MTUS2: variants seen among roughly 807,000 people sequenced by gnomAD.
MTUS2 encodes microtubule associated scaffold protein 2.
In MTUS2, 40 loss-of-function variants were observed where a neutral mutation model predicts 114.1. The observed-to-expected ratio is 0.35, with a 90% confidence interval of 0.27 to 0.46. MTUS2 has a LOEUF of 0.46. MTUS2 is among the 20% of genes least tolerant of loss of function. MTUS2 has a pLI of 1.00. For synonymous variants in MTUS2, 688 were observed against 672.0 expected, an observed-to-expected ratio of 1.02 and a Z score of -0.37; for missense variants, 1,679 against 1,705.4, an observed-to-expected ratio of 0.98 and a Z score of 0.27.
In MTUS2 at chr13:29,025,900, C is replaced by T. The variant is rs1283909173; in HGVS notation, c.1202C>T (p.Ala401Val). ...SLHTTPKQGS[A>V]SLGGADNQPT... Reference sequence around the variant, plus strand: ...CACACCACCCCCAAACAGGGCTCTGCTTCCTTAGGAGGGGCTGATAATCAG... The same window carrying T: ...CACACCACCCCCAAACAGGGCTCTGTTTCCTTAGGAGGGGCTGATAATCAG... Residue 401 changes from alanine to valine, a missense_variant, in exon 3 of 16, where the codon GCT becomes GTT. This residue lies in a region of MTUS2 where 843 missense variants were observed against 770.8 expected (regional missense o/e 1.09). Coordinates refer to ENST00000612955, the MANE Select transcript of MTUS2 (RefSeq NM_001033602.4). The T allele has an allele frequency of 6.2e-7, 1 of 1,613,506 alleles. No individual in the cohort carries two copies. The highest frequency in any genetic ancestry group is 8.5e-7 in the Non-Finnish European group (1 of 1,179,682).
chr13:29,429,291 C>T lies in MTUS2; in HGVS notation c.3118-10692C>T, dbSNP rs969833193. 2.6e-5 allele frequency among the ~76,000 whole-genome samples: 4 copies of T among 152,228 alleles called. No homozygotes were observed. The East Asian group carries it at 5.8e-4, about 22-fold the overall frequency. ...TAGATTAGTTAGGCATGTTTTTCTTCGCCAAGTGCTAACTTTGAAAGTTTA... is the reference window on the plus strand; with the variant it reads ...TAGATTAGTTAGGCATGTTTTTCTTTGCCAAGTGCTAACTTTGAAAGTTTA... On this transcript the variant is annotated intron_variant, in intron 8 of 15. Coordinates refer to ENST00000612955, the MANE Select transcript of MTUS2 (RefSeq NM_001033602.4).
At chr13:29,440,942 C>T (rs965061830) in intron 9 of MTUS2, among the ~76,000 whole-genome samples, 7 of 152,192 alleles carry the variant, frequency 4.6e-5, no homozygotes, top group African/African-American at 1.7e-4. Flanking sequence ...TAGTGAGATC[C>T]AAGCATAGCT....
Position 29,324,712 on chromosome 13 carries a change from G to C in MTUS2, c.2905+1G>C, listed in dbSNP as rs1388251524. 1.3e-6 allele frequency: 2 copies of C among 1,589,858 alleles called. No homozygotes were observed. The highest frequency in any genetic ancestry group is 1.1e-5 in the South Asian group (1 of 87,038). ...TCAACCACCAAGCTTCATTCACCAG[G>C]TATGTAAGAAATATGATGTGTTCCT... On this transcript the variant is annotated splice_donor_variant, in intron 7 of 15. Transcript: ENST00000612955. LOFTEE classifies it high-confidence loss of function.
At chr13:29,494,908 A>C (rs1392154934) in intron 12 of MTUS2, among the ~76,000 whole-genome samples, 1 of 151,890 alleles carries the variant, frequency 6.6e-6, no homozygotes, top group Non-Finnish European at 1.5e-5. Context: ...GATGTGGGTC[A>C]GGCACATTGG....
intron 4 of MTUS2, among the ~76,000 whole-genome samples, chr13:29,071,668 C>T (rs933624594): frequency 9.9e-5 from 15 of 151,954 alleles, no homozygotes; most frequent in Admixed American, 1.3e-4. Context: ...CTTCATGATC[C>T]GCCCGCTTTG....
chr13:29,134,918 C>T (rs1018059822), intron 5 of MTUS2, among the ~76,000 whole-genome samples: 2 of 152,176 alleles, frequency 1.3e-5, no homozygotes, highest in African/African-American at 4.8e-5. Context: ...AATAGTCCCC[C>T]TTACTTTTCA....
At chr13:29,159,301 T>C (rs1044039736) in intron 5 of MTUS2, among the ~76,000 whole-genome samples, 3 of 152,150 alleles carry the variant, frequency 2.0e-5, no homozygotes, top group Non-Finnish European at 1.5e-5. Flanking sequence ...ATTTTAATAT[T>C]CTCTCTCTAT....
chr13:28,977,395 T>A (rs1884163060), intron 2 of MTUS2, among the ~76,000 whole-genome samples: 1 of 152,234 alleles, frequency 6.6e-6, no homozygotes, highest in Non-Finnish European at 1.5e-5. Context: ...TATAATCAGC[T>A]GCTAACAGGT....
intron 2 of MTUS2, among the ~76,000 whole-genome samples, chr13:28,927,347 G>A (rs930723359): frequency 6.6e-6 from 1 of 152,040 alleles, no homozygotes; most frequent in Non-Finnish European, 1.5e-5. Context: ...GATCATTTGA[G>A]GTCAGGAGTT....
intron 1 of MTUS2, among the ~76,000 whole-genome samples, chr13:28,827,179 T>A (rs930237366): frequency 3.9e-5 from 6 of 152,266 alleles, no homozygotes; most frequent in Non-Finnish European, 8.8e-5. Context: ...TAATTTTGGT[T>A]GAAATTGATG....
chr13:28,886,417 C>G (rs923236945), intron 2 of MTUS2, among the ~76,000 whole-genome samples: 1 of 151,874 alleles, frequency 6.6e-6, no homozygotes, highest in Non-Finnish European at 1.5e-5. Context: ...GAGAAGTGGT[C>G]GAAATCGGAT....
At chr13:29,057,977 T>C (rs1296576899) in intron 4 of MTUS2, among the ~76,000 whole-genome samples, 1 of 152,146 alleles carries the variant, frequency 6.6e-6, no homozygotes, top group Non-Finnish European at 1.5e-5. Flanking sequence ...GGACCTCTTA[T>C]CTAGTGGTAA....
At chr13:29,481,745 A>G (rs1881200824) in intron 10 of MTUS2, among the ~76,000 whole-genome samples, 1 of 151,574 alleles carries the variant, frequency 6.6e-6, no homozygotes, top group Admixed American at 6.6e-5. Flanking sequence ...CTCTTACTTT[A>G]TGGCATTTTG....
intron 6 of MTUS2, among the ~76,000 whole-genome samples, chr13:29,297,861 A>G (rs1899017102): frequency 7.4e-6 from 1 of 135,682 alleles, no homozygotes; most frequent in Non-Finnish European, 1.7e-5. Context: ...GCTAATGAGT[A>G]TATGTGTACA....
chr13:29,367,511 G>T (rs377122208), intron 8 of MTUS2, among the ~76,000 whole-genome samples: 4 of 152,172 alleles, frequency 2.6e-5, no homozygotes, highest in African/African-American at 4.8e-5. Context: ...GAAGATTAAC[G>T]CAGTTTGAGA....
At chr13:29,096,364 A>G (rs1303653263) in intron 4 of MTUS2, among the ~76,000 whole-genome samples, 2 of 152,102 alleles carry the variant, frequency 1.3e-5, no homozygotes, top group Non-Finnish European at 2.9e-5. Context: ...TTGCTCTATA[A>G]TTTTCTACAG....
chr13:29,354,288 A>C (rs1869552697), intron 7 of MTUS2, among the ~76,000 whole-genome samples: 1 of 147,056 alleles, frequency 6.8e-6, no homozygotes, highest in Non-Finnish European at 1.5e-5. Context: ...GGTAAGTCTA[A>C]TCCCACTTAC....
rs1272088407 is a variant in MTUS2, at chr13:28,911,065, C to T, written c.-243+71215C>T. On this transcript the variant is annotated intron_variant, in intron 2 of 15. Transcript: ENST00000612955. ...TAATTTTTTGTATTTTTAGTAGAGA[C>T]GGGGTTTCACCGTGTTATCCAGGAT... Among the ~76,000 whole-genome samples, 22 of 150,328 alleles carry T rather than the reference C, an allele frequency of 1.5e-4. No homozygotes were observed. In the East Asian group the frequency reaches 3.9e-3, roughly 27 times the overall value.
intron 2 of MTUS2, among the ~76,000 whole-genome samples, chr13:28,947,140 ATTAC>A (rs1033730994): frequency 9.3e-4 from 142 of 152,286 alleles, no homozygotes; most frequent in African/African-American, 3.3e-3. Flanking sequence ...AAGATTTTAT[ATTAC>A]TTTATCCGAC....
Sources: allele counts gnomAD v4.1 joint callset (sites outside exome capture counted in the v4.1 genomes callset), GRCh38; gene constraint gnomAD v4.1.1; regional missense constraint gnomAD v4.1.1; transcripts MANE v1.5; gene names NCBI Gene and HGNC (gene_info 2026-07-23, HGNC 2026-07-21).